CNOT7: variants seen among roughly 807,000 people sequenced by gnomAD.
CNOT7 encodes the protein BTG1-binding factor 1.
In CNOT7, 4 loss-of-function variants were observed where a neutral mutation model predicts 37.1. The observed-to-expected ratio is 0.11, with a 90% CI of 0.05 to 0.25. The LOEUF is 0.25. Among genes scored for constraint, CNOT7 ranks in the 10% least tolerant of loss-of-function variants. The probability of loss-of-function intolerance (pLI) is 1.00; values close to 1 mark genes in which losing one functional copy is unlikely to be tolerated. For synonymous variants in CNOT7, 128 were observed against 115.6 expected (o/e 1.11, Z -0.69); for missense variants, 170 against 336.2 (o/e 0.51, Z 3.87).
Position 17,231,697 on chromosome 8 carries a change from A to C in CNOT7, c.729+730T>G, listed in dbSNP as rs1243497618. 4 of 985,312 alleles carry C rather than the reference A, an allele frequency of 4.1e-6. No homozygotes were observed. The African/African-American group carries it at 7.0e-5, about 17-fold the overall frequency. 61.0% of individuals were successfully genotyped at this position (985,312 alleles called of 1,614,324 possible). The stretch of plus-strand genomic sequence containing the variant: ...TTTTGCACAACCAATTTTCCTGTTT[A>C]CCTATAGCTAGGTGTATCTGTGCAC... On this transcript the variant is annotated intron_variant, in intron 6 of 6. Coordinates refer to ENST00000361272, the MANE Select transcript of CNOT7 (RefSeq NM_013354.7).
At chr8:17,236,088 A>C (rs901041597) in intron 4 of CNOT7, among the ~76,000 whole-genome samples, 1 of 152,234 alleles carries the variant, frequency 6.6e-6, no homozygotes, top group Admixed American at 6.5e-5. Context: ...TTCCTAAGGT[A>C]CAAGTTCAAG....
Position 17,234,697 on chromosome 8 carries a change from A to G in CNOT7, c.618+19T>C. On this transcript the variant is annotated intron_variant, in intron 5 of 6. Transcript: ENST00000361272. ...TCTGAACAGTGTGCTGCTGTAGATA[A>G]TGCCATCCGAAGCCTTACTTTGAGA... 6.2e-7 allele frequency: 1 copy of G among 1,613,374 alleles called. No homozygotes were observed. Among genetic ancestry groups the G allele is most frequent in the Non-Finnish European group, 8.5e-7 (1 of 1,179,410 alleles).
intron 6 of CNOT7, chr8:17,231,589 A>C (rs1808618983): frequency 1.0e-6 from 1 of 985,108 alleles, no homozygotes; most frequent in East Asian, 1.1e-4. Flanking sequence ...GTCTCAATTT[A>C]ATGTCTAAGA....
intron 5 of CNOT7, 35 bp downstream of exon 5, chr8:17,234,681 T>C (rs760669656): frequency 1.2e-6 from 2 of 1,610,516 alleles, no homozygotes; most frequent in Non-Finnish European, 1.7e-6. Flanking sequence ...GTCTGAACAG[T>C]GTGCTGCTGT....
intron 5 of CNOT7, 54 bp from the exon 6 acceptor site, chr8:17,232,591 T>C: frequency 6.7e-7 from 1 of 1,501,888 alleles, no homozygotes; most frequent in Non-Finnish European, 9.2e-7. Flanking sequence ...AAGGCCTAAA[T>C]TCACAAATTA....
rs780357311 is a variant in CNOT7 at position 17,234,717 on chromosome 8, T to C, written c.617A>G (p.Lys206Arg). Residue 206 changes from lysine to arginine, a missense_variant and splice_region_variant, in exon 5 of 7, where the codon AAA (lysine) becomes AGA (arginine). Lys to Arg is a conservative substitution (Grantham distance 26). This residue lies in a region of CNOT7 where 68 missense variants were observed against 151.1 expected (regional missense o/e 0.45). Coordinates refer to ENST00000361272, the MANE Select transcript of CNOT7 (RefSeq NM_013354.7). ...AGATAATGCCATCCGAAGCCTTACTTTGAGATTTTTGCAGCTCTTCATGAG... is the reference window on the plus strand; with the variant it reads ...AGATAATGCCATCCGAAGCCTTACTCTGAGATTTTTGCAGCTCTTCATGAG... ...KYLMKSCKNL[K>R]GGLQEVAEQL... The C allele has an allele frequency of 9.3e-6, 15 of 1,614,044 alleles. No homozygotes were observed. The highest frequency in any genetic ancestry group is 2.2e-5 in the South Asian group (2 of 91,082).
chr8:17,246,283 C>A (rs1485498349), intron 1 of CNOT7: 1 of 152,288 alleles, frequency 6.6e-6, no homozygotes, highest in Non-Finnish European at 1.5e-5. Flanking sequence ...AGGACGGCAC[C>A]GAGGTATTCA....
Position 17,227,207 on chromosome 8 carries a change from C to T in CNOT7, c.*3513G>A, listed in dbSNP as rs964045541. The T allele has an allele frequency of 6.6e-6, 1 of 151,776 alleles. No individual in the cohort carries two copies. The highest frequency in any genetic ancestry group is 2.4e-5 in the African/African-American group (1 of 41,380). 9.4% of individuals were successfully genotyped at this position (151,776 alleles called of 1,614,324 possible). A position where few individuals can be genotyped will look rare whatever the true frequency, so the allele number is the denominator to read the frequency against. ...TTTGACCAAATAAACTTTTTTTCTG[C>T]TTCATGCATTTTTCCCAGCATCGGT... On this transcript the variant is annotated 3_prime_UTR_variant, in exon 7 of 7. Coordinates refer to ENST00000361272, the MANE Select transcript of CNOT7 (RefSeq NM_013354.7).
chr8:17,245,787 T>A (rs899673289), intron 1 of CNOT7: 1 of 152,188 alleles, frequency 6.6e-6, no homozygotes, highest in Non-Finnish European at 1.5e-5. Context: ...ATTATCTGAA[T>A]GTTCGCAGTT....
intron 3 of CNOT7, chr8:17,241,959 G>A (rs1810225995): frequency 6.6e-6 from 1 of 152,174 alleles, no homozygotes; most frequent in Non-Finnish European, 1.5e-5. Context: ...GGTGAAGAAA[G>A]CCAGAGCCTA....
rs1205596563 is a variant in CNOT7 at position 17,230,130 on chromosome 8, CT to C, written c.*589del. 2 of 152,392 alleles carry C rather than the reference CT, an allele frequency of 1.3e-5. No individual in the cohort carries two copies. Among genetic ancestry groups the C allele is most frequent in the East Asian group, 3.9e-4 (2 of 5,188 alleles). 9.4% of individuals were successfully genotyped at this position (152,392 alleles called of 1,614,324 possible). On this transcript the variant is annotated 3_prime_UTR_variant, in exon 7 of 7. Transcript: ENST00000361272. ...ACTAAGCTCCTCAGTAGTTTCTTGT[CT>C]TTTTTAAGTTTCGCTGAATCGACAG...
chr8:17,234,254 T>TA (rs1174301741), intron 5 of CNOT7, among the ~76,000 whole-genome samples: 1 of 152,150 alleles, frequency 6.6e-6, no homozygotes, highest in Non-Finnish European at 1.5e-5. Flanking sequence ...ACTGACAAAA[T>TA]AATTTCTAGC....
intron 3 of CNOT7, among the ~76,000 whole-genome samples, chr8:17,240,597 CTG>C (rs1810029405): frequency 6.6e-6 from 1 of 152,152 alleles, no homozygotes; most frequent in Non-Finnish European, 1.5e-5. Context: ...GAAAAGGAAA[CTG>C]TCAATTTTAT....
At chr8:17,230,886 T>C (rs765052746) in intron 6 of CNOT7, 38 bp from the exon 7 acceptor site, 1 of 1,454,566 alleles carries the variant, frequency 6.9e-7, no homozygotes, top group Admixed American at 2.0e-5. Flanking sequence ...AAGATAATTT[T>C]AACCAAAAGG....
chr8:17,243,303 C>A, intron 2 of CNOT7, 118 bp from the exon 3 acceptor site: 1 of 756,576 alleles, frequency 1.3e-6, no homozygotes, highest in South Asian at 1.9e-5. Flanking sequence ...CATTTATATT[C>A]AATTACAAAG....
rs753815751 is a variant in CNOT7 at position 17,226,218 on chromosome 8, A to T, written c.*4502T>A. ...TTTCTTTTTTTAGTAATAGAGTTCT[A>T]CTAATGGGAATAATGGGATTTTTTG... On this transcript the variant is annotated 3_prime_UTR_variant, in exon 7 of 7. Coordinates refer to ENST00000361272, the MANE Select transcript of CNOT7 (RefSeq NM_013354.7). The T allele has an allele frequency of 1.3e-4, 19 of 151,188 alleles. No homozygotes were observed. Among genetic ancestry groups the T allele is most frequent in the Non-Finnish European group, 2.2e-4 (15 of 67,494 alleles). 9.4% of individuals were successfully genotyped at this position (151,188 alleles called of 1,614,324 possible). A position where few individuals can be genotyped will look rare whatever the true frequency, so the allele number is the denominator to read the frequency against.
chr8:17,236,846 TA>T (rs1360465158), intron 4 of CNOT7, among the ~76,000 whole-genome samples: 8 of 152,324 alleles, frequency 5.3e-5, no homozygotes, highest in African/African-American at 1.9e-4. Context: ...TAACGTTGTG[TA>T]AATGTAAGTG....
intron 3 of CNOT7, among the ~76,000 whole-genome samples, chr8:17,238,170 CAA>C (rs1174438336): frequency 6.6e-6 from 1 of 151,904 alleles, no homozygotes; most frequent in Non-Finnish European, 1.5e-5. Context: ...AATATTAAAA[CAA>C]AAAAGTTACC....
intron 3 of CNOT7, chr8:17,242,197 A>G (rs931928568): frequency 2.3e-4 from 35 of 152,342 alleles, no homozygotes; most frequent in African/African-American, 7.9e-4. Context: ...GGCCCGGGTC[A>G]GGAATCAATT....
Sources: gnomAD v4.1 joint callset for allele counts (sites outside exome capture counted in the v4.1 genomes callset) on GRCh38, gnomAD v4.1.1 for gene constraint, gnomAD v4.1.1 regional missense constraint, MANE v1.5 for transcripts, NCBI Gene and HGNC (gene_info 2026-07-23, HGNC 2026-07-21) for gene names.